The following MINAR1 variants were observed in gnomAD, a reference collection of about 807,000 sequenced individuals.
MINAR1 encodes major intrinsically disordered Notch2-binding receptor 1.
Under a neutral mutation model 65.1 loss-of-function variants are expected in MINAR1, and 40 were observed. The observed-to-expected ratio is 0.61, with a 90% CI of 0.48 to 0.80. The LOEUF (loss-of-function observed/expected upper bound fraction) is 0.80. Among genes scored for constraint, MINAR1 ranks in the 30% least tolerant of loss-of-function variants. The probability of loss-of-function intolerance (pLI) is 0.00; values close to 1 mark genes in which losing one functional copy is unlikely to be tolerated. For missense variants in MINAR1, 1,128 were observed against 1,148.0 expected (o/e 0.98, Z 0.25); for synonymous variants, 482 against 449.1 (o/e 1.07, Z -0.93).
In MINAR1 at chr15:79,457,400, A is replaced by G; in HGVS notation, c.1253A>G (p.Lys418Arg). Residue 418 changes from lysine to arginine, a missense_variant, in exon 2 of 4, where the codon AAG (lysine) becomes AGG (arginine). Lys to Arg is a conservative substitution (Grantham distance 26, BLOSUM62 2). Transcript: ENST00000305428. The part of the protein sequence containing the change: ...PERRPTYLVP[K>R]DQQPILPIAY... ...AGGCGCCCAACTTACCTTGTGCCAAAGGATCAACAGCCAATTCTCCCCATT... is the reference window on the plus strand; with the variant it reads ...AGGCGCCCAACTTACCTTGTGCCAAGGGATCAACAGCCAATTCTCCCCATT... 2 of 1,614,224 alleles carry G rather than the reference A, an allele frequency of 1.2e-6. No individual in the cohort carries two copies. Among genetic ancestry groups the G allele is most frequent in the South Asian group, 2.2e-5 (2 of 91,086 alleles).
At chr15:79,430,882 T>A (rs558382525), upstream of MINAR1, among the ~76,000 whole-genome samples, 169 of 152,042 alleles carry the variant, frequency 1.1e-3, no homozygotes, top group Non-Finnish European at 2.1e-3. Context: ...TTGCTTGTTT[T>A]GTTTTTAAAA....
chr15:79,452,606 TAGTC>T (rs1166780096), intron 1 of MINAR1, among the ~76,000 whole-genome samples: 1 of 134,826 alleles, frequency 7.4e-6, no homozygotes, highest in East Asian at 2.3e-4. Context: ...GAGTCTGGGT[TAGTC>T]TGGGTGTCTG....
At chr15:79,455,270 AT>A (rs1262789608) in intron 1 of MINAR1, among the ~76,000 whole-genome samples, 7 of 152,140 alleles carry the variant, frequency 4.6e-5, no homozygotes, top group Non-Finnish European at 7.4e-5. Flanking sequence ...ATTTTCTTTC[AT>A]TTTTGTTTTC....
intron 1 of MINAR1, among the ~76,000 whole-genome samples, chr15:79,439,343 T>G (rs1270676175): frequency 5.4e-5 from 2 of 37,184 alleles, no homozygotes; most frequent in African/African-American, 7.9e-5. Context: ...GTAGGCAGTG[T>G]GTGTGTGGGT....
the MINAR1 span, chr15:79,419,822 C>T: frequency 2.6e-5 from 4 of 151,966 alleles, no homozygotes; most frequent in African/African-American, 9.7e-5. Flanking sequence ...AGGGAATGTT[C>T]GGAGACATGC....
chr15:79,450,139 G>A (rs920791314), intron 1 of MINAR1, among the ~76,000 whole-genome samples: 1 of 152,170 alleles, frequency 6.6e-6, no homozygotes, highest in African/African-American at 2.4e-5. Flanking sequence ...GGACAGTTCT[G>A]CCACTAGCTC....
rs568796934 is a variant in MINAR1 at position 79,453,531 on chromosome 15, C to T, written c.-50-2567C>T. Among the ~76,000 whole-genome samples, 3 of 152,288 alleles carry T rather than the reference C, an allele frequency of 2.0e-5. No homozygotes were observed. In the South Asian group the frequency reaches 6.2e-4, roughly 32 times the overall value. ...AGGGCTTCATGCTGGAGGCTGGATC[C>T]TGTTCCACTGCTACAGAGCCCGGAA... On this transcript the variant is annotated intron_variant, in intron 1 of 3. Transcript: ENST00000305428.
chr15:79,465,435 C>T (rs1343984575), intron 3 of MINAR1, among the ~76,000 whole-genome samples: 1 of 151,678 alleles, frequency 6.6e-6, no homozygotes, highest in Non-Finnish European at 1.5e-5. Context: ...TTTGCCAGGG[C>T]TAATTAATAA....
chr15:79,434,036 C>A (rs1265826465), intron 1 of MINAR1, among the ~76,000 whole-genome samples: 2 of 152,058 alleles, frequency 1.3e-5, no homozygotes, highest in Non-Finnish European at 2.9e-5. Flanking sequence ...GCTACTGGAG[C>A]CTGGAGGGAA....
At chr15:79,431,354 G>T (rs1475502422), upstream of MINAR1, among the ~76,000 whole-genome samples, 2 of 152,182 alleles carry the variant, frequency 1.3e-5, no homozygotes, top group Non-Finnish European at 2.9e-5. Flanking sequence ...TGTCTAGATG[G>T]GGCCACCAGA....
At chr15:79,458,984 C>T (rs377364413) in intron 2 of MINAR1, among the ~76,000 whole-genome samples, 1 of 152,054 alleles carries the variant, frequency 6.6e-6, no homozygotes. Flanking sequence ...TGAGACCAGC[C>T]TGGCCAATAT....
At chr15:79,459,119 G>T (rs1895548068) in intron 2 of MINAR1, among the ~76,000 whole-genome samples, 3 of 151,984 alleles carry the variant, frequency 2.0e-5, no homozygotes, top group Non-Finnish European at 4.4e-5. Context: ...GGCAGAGGTT[G>T]CAGTGAGCTG....
At chr15:79,443,877 C>T (rs1301139608) in intron 1 of MINAR1, among the ~76,000 whole-genome samples, 3 of 152,094 alleles carry the variant, frequency 2.0e-5, no homozygotes, top group African/African-American at 7.2e-5. Flanking sequence ...TACCAAATTG[C>T]CCTCTAAAGT....
At chr15:79,461,413 A>C (rs1046449235) in intron 2 of MINAR1, among the ~76,000 whole-genome samples, 2 of 152,222 alleles carry the variant, frequency 1.3e-5, no homozygotes, top group African/African-American at 2.4e-5. Flanking sequence ...GTTAATTGCA[A>C]TTATGCCTGC....
intron 1 of MINAR1, among the ~76,000 whole-genome samples, chr15:79,451,056 C>T (rs1208154681): frequency 6.6e-6 from 1 of 152,144 alleles, no homozygotes; most frequent in Non-Finnish European, 1.5e-5. Flanking sequence ...AGTCTGAGCC[C>T]AGGTCTGTGG....
chr15:79,468,053 G>A, intron 3 of MINAR1, 134 bp from the exon 4 acceptor site: 1 of 667,952 alleles, frequency 1.5e-6, no homozygotes, highest in Non-Finnish European at 2.6e-6. Context: ...GGCTGGTGGG[G>A]CAGTGTTATG....
chr15:79,413,354 C>G, the MINAR1 span: 1 of 152,228 alleles, frequency 6.6e-6, no homozygotes, highest in Non-Finnish European at 1.5e-5. Flanking sequence ...CTCTGTGATC[C>G]ACCCAATTAT....
chr15:79,434,948 C>T (rs1894553191), intron 1 of MINAR1, among the ~76,000 whole-genome samples: 1 of 152,162 alleles, frequency 6.6e-6, no homozygotes, highest in South Asian at 2.1e-4. Context: ...CCTTCTCTCT[C>T]GAAGAGTAGA....
the MINAR1 span, chr15:79,420,552 G>A: frequency 5.3e-5 from 8 of 152,284 alleles, no homozygotes; most frequent in Non-Finnish European, 1.0e-4. Context: ...GTGGAAGCTG[G>A]TAATATGTGG....
Sources: gnomAD v4.1 joint callset for allele counts (sites outside exome capture counted in the v4.1 genomes callset) on GRCh38, gnomAD v4.1.1 for gene constraint, MANE v1.5 for transcripts, NCBI Gene and HGNC (gene_info 2026-07-23, HGNC 2026-07-21) for gene names.